Variants in TRIO observed in about 807,000 individuals in gnomAD.
TRIO encodes trio Rho guanine nucleotide exchange factor.
TRIO carries 58 observed loss-of-function variants against 351.9 expected under a neutral mutation model. The observed-to-expected ratio is 0.16, with a 90% confidence interval of 0.13 to 0.21. TRIO has a LOEUF of 0.21. Ranked by LOEUF, TRIO falls within the 10% of genes least tolerant of loss-of-function variation. TRIO has a pLI of 1.00. For missense variants in TRIO, 3,201 were observed against 4,027.8 expected (o/e 0.79, Z 5.56); for synonymous variants, 1,758 against 1,595.7 (o/e 1.10, Z -2.42).
At position 14,419,982 on chromosome 5, in the gene TRIO, A is replaced by G. The variant is rs1749981280; in HGVS notation, c.5164A>G (p.Arg1722Gly). The change falls in exon 34 of 57, where the codon AGA becomes GGA. Residue 1722 changes from arginine to glycine, a missense_variant. By Grantham distance (125) the Arg-to-Gly change is moderately radical. This residue lies in a region of TRIO where 193 missense variants were observed against 218.8 expected (regional missense o/e 0.88). Coordinates refer to ENST00000344204, the MANE Select transcript of TRIO (RefSeq NM_007118.4). ...PCGSLCIAHS[R>G]SSMEMEGIFN... is the part of the protein sequence containing the mutation. ...TGGTTCACTGTGCATCGCCCACTCC[A>G]GAAGTAGCATGGAAATGGAGGGCAT... The G allele has an allele frequency of 6.2e-7, 1 of 1,613,936 alleles. No individual in the cohort carries two copies. Among genetic ancestry groups the G allele is most frequent in the Admixed American group, 1.7e-5 (1 of 60,016 alleles).
At chr5:14,324,975 T>C (rs1581621918) in intron 9 of TRIO, among the ~76,000 whole-genome samples, 1 of 152,158 alleles carries the variant, frequency 6.6e-6, no homozygotes, top group Non-Finnish European at 1.5e-5. Context: ...TTTTGAAAAA[T>C]ATTTGGAATT....
intron 42 of TRIO, 112 bp downstream of exon 42, chr5:14,479,462 C>T: frequency 1.1e-6 from 1 of 881,308 alleles, no homozygotes; most frequent in South Asian, 1.7e-5. Flanking sequence ...AGAAAATTAG[C>T]CTGAGTGATA....
At chr5:14,470,636 C>T (rs1452756929) in intron 37 of TRIO, among the ~76,000 whole-genome samples, 1 of 152,166 alleles carries the variant, frequency 6.6e-6, no homozygotes, top group Non-Finnish European at 1.5e-5. Flanking sequence ...ACTGGGGATA[C>T]AGCAATGAAA....
chr5:14,457,144 C>G (rs1220535504), intron 34 of TRIO, among the ~76,000 whole-genome samples: 13 of 152,154 alleles, frequency 8.5e-5, no homozygotes, highest in Non-Finnish European at 1.5e-5. Flanking sequence ...AAATTTTTCT[C>G]AAGGTAAAAT....
chr5:14,461,436 C>T lies in TRIO; in HGVS notation c.5496+125C>T, dbSNP rs893156018. The T allele has an allele frequency of 5.4e-6, 7 of 1,294,136 alleles. No homozygotes were observed. The African/African-American group carries it at 6.1e-5, about 11-fold the overall frequency. The allele number at this position is 1,294,136 out of a possible 1,614,324, so 80.2% of individuals were successfully genotyped here. ...GTTTTCCGCACTTACTCAGAAATTACCATTCAAGTCTCTGCTTAGCAGACT... is the reference window on the plus strand; with the variant it reads ...GTTTTCCGCACTTACTCAGAAATTATCATTCAAGTCTCTGCTTAGCAGACT... On this transcript the variant is annotated intron_variant, in intron 35 of 56. Transcript: ENST00000344204.
At chr5:14,372,167 T>C (rs1388809305) in intron 18 of TRIO, among the ~76,000 whole-genome samples, 1 of 148,024 alleles carries the variant, frequency 6.8e-6, no homozygotes, top group African/African-American at 2.5e-5. Flanking sequence ...AATTTGTAGA[T>C]TTTTGTTAGG....
chr5:14,461,063 G>A lies in TRIO; in HGVS notation c.5248G>A (p.Val1750Met), dbSNP rs1291954783. The change falls in exon 35 of 57, where the codon GTG becomes ATG. Residue 1750 changes from valine to methionine, a missense_variant. Physicochemically the swap from Val to Met is conservative, Grantham distance 21 (BLOSUM62 1). This residue lies in a region of TRIO where 193 missense variants were observed against 218.8 expected (regional missense o/e 0.88). Transcript: ENST00000344204. ...CAATGACGCCAGTCCACCCGCATCC[G>A]TGGCTTCCCTCCAGCCCCACATGAT... Reference protein sequence around the residue: ...SSNDASPPASVASLQPHMIGA... With the variant: ...SSNDASPPASMASLQPHMIGA... The A allele has an allele frequency of 1.9e-6, 3 of 1,580,148 alleles. No individual in the cohort carries two copies. The highest frequency in any genetic ancestry group is 2.6e-6 in the Non-Finnish European group (3 of 1,163,736).
At chr5:14,308,815 C>A (rs1738639950) in intron 8 of TRIO, among the ~76,000 whole-genome samples, 1 of 150,964 alleles carries the variant, frequency 6.6e-6, no homozygotes, top group African/African-American at 2.4e-5. Context: ...CATCCACCTA[C>A]ATTTATCAAT....
At chr5:14,151,570 C>T (rs1026668622) in intron 1 of TRIO, among the ~76,000 whole-genome samples, 14 of 152,170 alleles carry the variant, frequency 9.2e-5, no homozygotes, top group Non-Finnish European at 2.1e-4. Flanking sequence ...TATGAAGTGA[C>T]ATGTATAAAT....
At chr5:14,203,520 G>T (rs868360020) in intron 1 of TRIO, among the ~76,000 whole-genome samples, 3 of 152,180 alleles carry the variant, frequency 2.0e-5, no homozygotes, top group Non-Finnish European at 4.4e-5. Flanking sequence ...AATGAAATAA[G>T]CATATTAAGA....
chr5:14,348,979 GTA>G (rs564806515), intron 11 of TRIO, among the ~76,000 whole-genome samples: 105 of 149,416 alleles, frequency 7.0e-4, no homozygotes, highest in African/African-American at 2.5e-3. Flanking sequence ...TTTCCTGTGT[GTA>G]TATGTGTGCG....
In TRIO at chr5:14,487,937, G is replaced by A. The variant is rs773401747; in HGVS notation, c.7309G>A (p.Ala2437Thr). 292 of 1,543,108 alleles carry A rather than the reference G, an allele frequency of 1.9e-4. No individual in the cohort carries two copies. Among genetic ancestry groups the A allele is most frequent in the Middle Eastern group, 3.8e-4 (2 of 5,222 alleles). ...GAGCCCAGACGCCCCCGCCAAGGACGCGCGCGCTAGCCTGGGCACCCTGCC... is the reference window on the plus strand; with the variant it reads ...GAGCCCAGACGCCCCCGCCAAGGACACGCGCGCTAGCCTGGGCACCCTGCC... ...GSSPDAPAKDARASLGTLPLG... is the reference protein window; with the variant it reads ...GSSPDAPAKDTRASLGTLPLG... The change falls in exon 48 of 57, where the codon GCG (alanine) becomes ACG (threonine). Residue 2437 changes from alanine to threonine, a missense_variant. Ala to Thr is a moderately conservative substitution (Grantham distance 58). Transcript: ENST00000344204.
rs1246943870 is a variant in TRIO, at chr5:14,476,940, C to T, written c.6130C>T (p.Leu2044=). 2 of 1,613,754 alleles carry T rather than the reference C, an allele frequency of 1.2e-6. No homozygotes were observed. Among genetic ancestry groups the T allele is most frequent in the Admixed American group, 3.3e-5 (2 of 59,988 alleles). The stretch of plus-strand genomic sequence containing the variant: ...GAAGTGCCTTGAAGATCCAGAAAAA[C>T]TAGGATCCCTTTTTGTTAAACACGT... ...LEKCLEDPEK[L]GSLFVKHERR... Residue 2044 remains leucine (L), a synonymous_variant, in exon 41 of 57, where the codon CTA becomes TTA. Transcript: ENST00000344204.
At chr5:14,446,550 G>A (rs1485711588) in intron 34 of TRIO, among the ~76,000 whole-genome samples, 1 of 152,150 alleles carries the variant, frequency 6.6e-6, no homozygotes, top group African/African-American at 2.4e-5. Flanking sequence ...TCAGGTCTTG[G>A]TGTTGCATCC....
At chr5:14,326,944 A>G (rs899211276) in intron 9 of TRIO, among the ~76,000 whole-genome samples, 2 of 152,166 alleles carry the variant, frequency 1.3e-5, no homozygotes, top group Non-Finnish European at 2.9e-5. Flanking sequence ...TTATTATTTT[A>G]AAAGTGGAAA....
At chr5:14,230,340 TTGTGTGTG>T (rs59717445) in intron 1 of TRIO, among the ~76,000 whole-genome samples, 156 of 149,042 alleles carry the variant, frequency 1.0e-3, no homozygotes, top group Non-Finnish European at 1.5e-3. Context: ...GGCAAGATGT[TTGTGTGTG>T]TGTGTGTGTG....
At chr5:14,291,274 A>C in intron 5 of TRIO, 46 bp downstream of exon 5, 1 of 1,580,236 alleles carries the variant, frequency 6.3e-7, no homozygotes, top group East Asian at 2.2e-5. Context: ...GGGGGAAGCC[A>C]GCGCTGGTGG....
At chr5:14,255,449 A>G (rs1300757852) in intron 1 of TRIO, among the ~76,000 whole-genome samples, 1 of 152,258 alleles carries the variant, frequency 6.6e-6, no homozygotes, top group African/African-American at 2.4e-5. Flanking sequence ...ACACTATGCA[A>G]CAGTGAAATT....
intron 34 of TRIO, among the ~76,000 whole-genome samples, chr5:14,432,432 C>G (rs1383169114): frequency 1.3e-5 from 2 of 152,220 alleles, no homozygotes; most frequent in South Asian, 2.1e-4. Flanking sequence ...AGAGCTAATT[C>G]TAGAACCTGG....
Sources: gnomAD v4.1 joint callset for allele counts (sites outside exome capture counted in the v4.1 genomes callset) on GRCh38, gnomAD v4.1.1 for gene constraint, gnomAD v4.1.1 regional missense constraint, MANE v1.5 for transcripts, NCBI Gene and HGNC (gene_info 2026-07-23, HGNC 2026-07-21) for gene names.